Variants in ADAR observed in about 807,000 individuals in gnomAD.
ADAR encodes double-stranded RNA-specific adenosine deaminase.
In ADAR, 41 loss-of-function variants were observed where a neutral mutation model predicts 113.2. The ratio of observed to expected loss-of-function variants is 0.36; its 90% CI spans 0.28 to 0.47. The LOEUF (loss-of-function observed/expected upper bound fraction) is 0.47. ADAR is among the 20% of genes least tolerant of loss of function. ADAR has a pLI of 1.00. For missense variants in ADAR, 1,242 were observed against 1,540.9 expected (o/e 0.81, Z 3.25); for synonymous variants, 605 against 572.6 (o/e 1.06, Z -0.81).
intron 8 of ADAR, 50 bp downstream of exon 8, chr1:154,589,707 A>C: frequency 6.2e-7 from 1 of 1,610,508 alleles, no homozygotes; most frequent in South Asian, 1.1e-5. Context: ...GATGAGAGGC[A>C]CCCGCTTTCA....
intron 1 of ADAR, among the ~76,000 whole-genome samples, chr1:154,605,097 G>GATCT (rs1698106609): frequency 6.6e-6 from 1 of 152,126 alleles, no homozygotes; most frequent in Non-Finnish European, 1.5e-5. Context: ...TCATCTCCTG[G>GATCT]ATCTCATCAG....
intron 6 of ADAR, among the ~76,000 whole-genome samples, chr1:154,595,645 TAATAAAGTAAAA>T (rs1475767293): frequency 3.3e-5 from 5 of 152,176 alleles, no homozygotes; most frequent in South Asian, 2.1e-4. Flanking sequence ...ATAAAAAAGT[TAATAAAGTAAAA>T]AATAAAGTAA....
chr1:154,604,728 A>G (rs1257603374), intron 1 of ADAR, among the ~76,000 whole-genome samples: 1 of 151,546 alleles, frequency 6.6e-6, no homozygotes, highest in East Asian at 1.9e-4. Context: ...TAACGGATCC[A>G]CCCTTTATAT....
chr1:154,597,763 A>G, intron 4 of ADAR, 65 bp downstream of exon 4: 1 of 1,606,622 alleles, frequency 6.2e-7, no homozygotes, highest in South Asian at 1.1e-5. Context: ...GGAGGCAAGG[A>G]AGAAAATGTG....
rs776357759 is a variant in ADAR, at chr1:154,601,836, G to A, written c.806C>T (p.Ser269Phe). The A allele has an allele frequency of 3.1e-6, 5 of 1,614,256 alleles. No individual in the cohort carries two copies. Reference sequence around the variant, plus strand: ...TTCCAAACCTGGGTCTGAGTTTGGGGATCCTTGGCTATGACTGTCTGGTCT... The same window carrying A: ...TTCCAAACCTGGGTCTGAGTTTGGGAATCCTTGGCTATGACTGTCTGGTCT... ...VVRPDSHSQG[S>F]PNSDPGLEPE... The change falls in exon 2 of 15, where the codon TCC becomes TTC. Residue 269 changes from serine (S) to phenylalanine (F), a missense_variant. Physicochemically the swap from Ser to Phe is radical, Grantham distance 155. Coordinates refer to ENST00000368474, the MANE Select transcript of ADAR (RefSeq NM_001111.5). The surrounding 1 kb of genome is among the most constrained non-coding windows in gnomAD (Gnocchi z 4.7).
intron 1 of ADAR, among the ~76,000 whole-genome samples, chr1:154,627,428 G>C (rs1698974174): frequency 6.6e-6 from 1 of 152,234 alleles, no homozygotes; most frequent in South Asian, 2.1e-4. Flanking sequence ...CGCAGCAAAA[G>C]CGCCTACCGC....
At chr1:154,595,656 AAAAT>A (rs1239419037) in intron 6 of ADAR, among the ~76,000 whole-genome samples, 1 of 151,614 alleles carries the variant, frequency 6.6e-6, no homozygotes, top group Non-Finnish European at 1.5e-5. Context: ...AATAAAGTAA[AAAAT>A]AAAGTAAAAA....
chr1:154,623,815 C>T (rs1227501509), intron 1 of ADAR, among the ~76,000 whole-genome samples: 1 of 151,934 alleles, frequency 6.6e-6, no homozygotes, highest in Non-Finnish European at 1.5e-5. Context: ...CCAGCCTGGC[C>T]AACATAGTGA....
At chr1:154,606,023 T>C in intron 1 of ADAR, 12 of 888,314 alleles carry the variant, frequency 1.4e-5, no homozygotes, top group Non-Finnish European at 1.6e-5. Flanking sequence ...TTTTTTCTTG[T>C]GAGACGGAGT....
intron 1 of ADAR, among the ~76,000 whole-genome samples, chr1:154,602,831 A>G (rs1037105137): frequency 2.0e-5 from 3 of 152,214 alleles, no homozygotes; most frequent in Non-Finnish European, 4.4e-5. Flanking sequence ...AGAGGGGAGC[A>G]GGAGGCAAAG....
intron 1 of ADAR, among the ~76,000 whole-genome samples, chr1:154,604,230 C>G (rs972018843): frequency 1.3e-5 from 2 of 152,234 alleles, no homozygotes; most frequent in African/African-American, 4.8e-5. Context: ...ACCTGTGGGC[C>G]ATAGTTTCTT....
chr1:154,606,440 T>C (rs1221227085), intron 1 of ADAR, among the ~76,000 whole-genome samples: 1 of 152,212 alleles, frequency 6.6e-6, no homozygotes, highest in East Asian at 1.9e-4. Context: ...GAATAGTATG[T>C]ACATTATAAT....
chr1:154,616,131 G>A (rs140912973), intron 1 of ADAR, among the ~76,000 whole-genome samples: 1 of 152,196 alleles, frequency 6.6e-6, no homozygotes, highest in Non-Finnish European at 1.5e-5. Flanking sequence ...CAGCAATACA[G>A]ATAAGGTTCT....
chr1:154,606,094 G>A (rs568067339), intron 1 of ADAR: 135 of 263,750 alleles, frequency 5.1e-4, no homozygotes, highest in Middle Eastern at 2.0e-3. Flanking sequence ...AATCAGGCTG[G>A]AGTGCAGTGT....
chr1:154,611,759 T>A (rs150175824), upstream of ADAR, among the ~76,000 whole-genome samples: 1 of 152,204 alleles, frequency 6.6e-6, no homozygotes, highest in South Asian at 2.1e-4. Flanking sequence ...TGACCCCAGA[T>A]GTATCTATAC....
intron 1 of ADAR, among the ~76,000 whole-genome samples, chr1:154,604,548 G>A (rs1380599738): frequency 6.6e-6 from 1 of 152,208 alleles, no homozygotes; most frequent in African/African-American, 2.4e-5. Flanking sequence ...TCTTCGCTGT[G>A]TGGTGGTCAA....
Position 154,589,797 on chromosome 1 carries a change from T to G in ADAR, c.2628A>C (p.Lys876Asn). The G allele has an allele frequency of 6.2e-7, 1 of 1,614,022 alleles. No homozygotes were observed. Among genetic ancestry groups the G allele is most frequent in the Non-Finnish European group, 8.5e-7 (1 of 1,180,000 alleles). The part of the protein sequence containing the change: ...RKILAAIIMK[K>N]DSEDMGVVVS... ...CGACGACACCCATGTCCTCAGAGTC[T>G]TTTTTCATAATGATGGCGGCCAGAA... Residue 876 changes from lysine (K) to asparagine (N), a missense_variant, in exon 8 of 15, where the codon AAA becomes AAC. Coordinates refer to ENST00000368474, the MANE Select transcript of ADAR (RefSeq NM_001111.5).
rs532686739 is a variant in ADAR, at chr1:154,590,150, C to A, written c.2496+34G>T. On this transcript the variant is annotated intron_variant, in intron 7 of 14. Transcript: ENST00000368474. ...CTTAGGAGTTAGGAGGACCCCCCCG[C>A]CCCAAAAAAGGCACCAAAAGTAGAC... 2.9e-5 allele frequency: 37 copies of A among 1,289,368 alleles called. 1 individual carries two copies. The highest frequency in any genetic ancestry group is 2.9e-4 in the Admixed American group (16 of 56,038). The allele number at this position is 1,289,368 out of a possible 1,614,324, so 79.9% of individuals were successfully genotyped here. A position where few individuals can be genotyped will look rare whatever the true frequency, so the allele number is the denominator to read the frequency against.
intron 1 of ADAR, among the ~76,000 whole-genome samples, chr1:154,627,303 C>T (rs540516387): frequency 6.6e-6 from 1 of 152,214 alleles, no homozygotes; most frequent in South Asian, 2.1e-4. Flanking sequence ...CGGCCGTGAC[C>T]CCGCAGTGAG....
Sources: gnomAD v4.1 joint callset for allele counts (sites outside exome capture counted in the v4.1 genomes callset) on GRCh38, gnomAD v4.1.1 for gene constraint, Gnocchi (gnomAD v3.1) non-coding constraint, MANE v1.5 for transcripts, NCBI Gene and HGNC (gene_info 2026-07-23, HGNC 2026-07-21) for gene names.